BCAS3: variants seen among roughly 807,000 people sequenced by gnomAD.
The protein encoded by BCAS3 is BCAS3 microtubule associated cell migration factor.
BCAS3 carries 53 observed loss-of-function variants against 116.1 expected under a neutral mutation model. The observed-to-expected ratio is 0.46, with a 90% CI of 0.37 to 0.57. The LOEUF is 0.57. Among genes scored for constraint, BCAS3 ranks in the 20% least tolerant of loss-of-function variants. The pLI, the probability that BCAS3 is intolerant of heterozygous loss-of-function variation, is 0.00. For synonymous variants in BCAS3, 391 were observed against 408.2 expected (o/e 0.96, Z 0.51); for missense variants, 917 against 1,165.4 (o/e 0.79, Z 3.10).
intron 14 of BCAS3, among the ~76,000 whole-genome samples, chr17:60,973,159 T>C (rs1600120638): frequency 6.6e-6 from 1 of 152,042 alleles, no homozygotes; most frequent in African/African-American, 2.4e-5. Flanking sequence ...TCTATGTGAC[T>C]TTTTTTGCTC....
intron 19 of BCAS3, among the ~76,000 whole-genome samples, chr17:61,044,465 A>AAAAAAAAAATATATATAT: frequency 2.5e-5 from 3 of 120,120 alleles, no homozygotes; most frequent in Admixed American, 1.6e-4. Flanking sequence ...AAAAAAAAAA[A>AAAAAAAAAATATATATAT]ATATATATAT....
intron 22 of BCAS3, among the ~76,000 whole-genome samples, chr17:61,319,674 G>A (rs907430019): frequency 6.7e-6 from 1 of 148,224 alleles, no homozygotes; most frequent in African/African-American, 2.5e-5. Flanking sequence ...TTGATGGCTT[G>A]TCATTTTGAC....
In BCAS3 at chr17:61,391,997, ATCGAGACTCTGAG is replaced by A. The variant is rs1250178890; in HGVS notation, c.2616_2628del (p.Glu873ThrfsTer138). On this transcript the variant is annotated frameshift_variant, in exon 24 of 24. Transcript: ENST00000407086. LOFTEE classifies it high-confidence loss of function. The surrounding 1 kb of genome is among the most constrained non-coding windows in gnomAD (Gnocchi z 7.7). ...TGCAGAACTTCAGCGAGAGGGAAGC[ATCGAGACTCTGAG>A]TAACAGCTCAGGCTCCACCAGCGGC... 6.2e-7 allele frequency: 1 copy of A among 1,613,722 alleles called. No homozygotes were observed. The highest frequency in any genetic ancestry group is 1.3e-5 in the African/African-American group (1 of 74,916).
At chr17:61,075,955 C>T (rs181122470) in intron 20 of BCAS3, among the ~76,000 whole-genome samples, 2 of 152,026 alleles carry the variant, frequency 1.3e-5, no homozygotes, top group East Asian at 3.9e-4. Context: ...GACAGGATCT[C>T]CCTATGTTGC....
intron 12 of BCAS3, among the ~76,000 whole-genome samples, chr17:60,914,063 A>G (rs1271883150): frequency 6.6e-6 from 1 of 152,178 alleles, no homozygotes; most frequent in Admixed American, 6.5e-5. Context: ...GTTATTCATA[A>G]TAATTTAATA....
chr17:60,958,676 G>T (rs1269476788), intron 14 of BCAS3, among the ~76,000 whole-genome samples: 1 of 152,070 alleles, frequency 6.6e-6, no homozygotes, highest in African/African-American at 2.4e-5. Context: ...GTTTTCTTTT[G>T]GTTAAACATT....
At position 61,374,332 on chromosome 17, in the gene BCAS3, G is replaced by A. The variant is rs761946993; in HGVS notation, c.2593+5838G>A. The stretch of plus-strand genomic sequence containing the variant: ...ACTACAGGCATATGCCACCACACTC[G>A]GCTAATTTTTGTATTTTTAGTAGAG... On this transcript the variant is annotated intron_variant, in intron 23 of 23. Transcript: ENST00000407086. 6.7e-4 allele frequency among the ~76,000 whole-genome samples: 99 copies of A among 147,244 alleles called. 4 individuals are homozygous for A. Among genetic ancestry groups the A allele is most frequent in the East Asian group, 2.0e-4 (1 of 4,894 alleles).
At chr17:60,999,841 G>A (rs1482657861) in intron 15 of BCAS3, among the ~76,000 whole-genome samples, 1 of 152,080 alleles carries the variant, frequency 6.6e-6, no homozygotes, top group Non-Finnish European at 1.5e-5. Flanking sequence ...GCAGTGTTTT[G>A]TAGTTGTCCT....
At chr17:60,729,844 C>A (rs80247632) in intron 5 of BCAS3, among the ~76,000 whole-genome samples, 4,836 of 152,246 alleles carry the variant, frequency 0.032, 243 homozygotes, top group African/African-American at 0.11. Context: ...GTTTGTATGT[C>A]TGAGTGATTA....
At chr17:61,175,319 A>C (rs2079073877) in intron 22 of BCAS3, among the ~76,000 whole-genome samples, 1 of 151,628 alleles carries the variant, frequency 6.6e-6, no homozygotes, top group African/African-American at 2.4e-5. Context: ...AGGCAGGAGG[A>C]TCACTTGAGT....
intron 22 of BCAS3, among the ~76,000 whole-genome samples, chr17:61,167,676 A>G (rs777246812): frequency 6.6e-6 from 1 of 152,210 alleles, no homozygotes; most frequent in Admixed American, 6.5e-5. Context: ...ACTTAAGGAA[A>G]TGACACAGAA....
Position 61,186,741 on chromosome 17 carries a change from C to T in BCAS3, c.2425+102177C>T, listed in dbSNP as rs544908578. On this transcript the variant is annotated intron_variant, in intron 22 of 23. Coordinates refer to ENST00000407086, the MANE Select transcript of BCAS3 (RefSeq NM_017679.5). The surrounding 1 kb of genome is among the most constrained non-coding windows in gnomAD (Gnocchi z 4.9). The stretch of plus-strand genomic sequence containing the variant: ...GTTTTTTTTTTTTGAGACGGAGTCT[C>T]GCTCTGTCGCCCAGGTTGGAGTGCA... Among the ~76,000 whole-genome samples, 46 of 151,702 alleles carry T rather than the reference C, an allele frequency of 3.0e-4. No homozygotes were observed. In the East Asian group the frequency reaches 8.2e-3, roughly 27 times the overall value.
intron 13 of BCAS3, among the ~76,000 whole-genome samples, chr17:60,926,879 A>G (rs1411404678): frequency 5.9e-5 from 9 of 152,296 alleles, no homozygotes; most frequent in Non-Finnish European, 2.9e-5. Context: ...TTGTCCTCTC[A>G]CATTTGTGTT....
rs1292111261 is a variant in BCAS3, at chr17:61,233,335, G to T, written c.2426-134992G>T. Among the ~76,000 whole-genome samples the T allele has an allele frequency of 6.6e-6, 1 of 152,136 alleles. No homozygotes were observed. Among genetic ancestry groups the T allele is most frequent in the Admixed American group, 6.6e-5 (1 of 15,266 alleles). ...ACAGGTTTGTAGTAAAATCTGAGCT[G>T]CCCAGAACACTCTGTGGCTAATGGC... On this transcript the variant is annotated intron_variant, in intron 22 of 23. Coordinates refer to ENST00000407086, the MANE Select transcript of BCAS3 (RefSeq NM_017679.5). This position sits in a 1 kb window ranked among gnomAD's most constrained non-coding sequence, Gnocchi z 4.3.
intron 22 of BCAS3, among the ~76,000 whole-genome samples, chr17:61,135,460 G>C (rs1303608415): frequency 6.6e-6 from 1 of 152,118 alleles, no homozygotes; most frequent in African/African-American, 2.4e-5. Context: ...CAAAATTTAG[G>C]CCCATGTGCA....
chr17:60,784,684 A>G (rs556917596), intron 6 of BCAS3, among the ~76,000 whole-genome samples: 1 of 151,882 alleles, frequency 6.6e-6, no homozygotes, highest in South Asian at 2.1e-4. Flanking sequence ...CAATCCTCCC[A>G]CCTCATTCTT....
intron 6 of BCAS3, among the ~76,000 whole-genome samples, chr17:60,780,581 G>A (rs2045736533): frequency 6.6e-6 from 1 of 152,124 alleles, no homozygotes; most frequent in Non-Finnish European, 1.5e-5. Context: ...GGGATTACAG[G>A]CATGAGCCAC....
chr17:61,172,591 C>G (rs1253794874), intron 22 of BCAS3, among the ~76,000 whole-genome samples: 1 of 145,552 alleles, frequency 6.9e-6, no homozygotes, highest in Non-Finnish European at 1.5e-5. Flanking sequence ...GAGCTGAGAT[C>G]GCACCACTGC....
chr17:61,090,906 C>T (rs1273621334), intron 22 of BCAS3, among the ~76,000 whole-genome samples: 4 of 152,174 alleles, frequency 2.6e-5, no homozygotes, highest in South Asian at 2.1e-4. Context: ...CCACATGCCT[C>T]GGCCTCCCAA....
Sources: allele counts gnomAD v4.1 joint callset (sites outside exome capture counted in the v4.1 genomes callset), GRCh38; gene constraint gnomAD v4.1.1; non-coding constraint Gnocchi (gnomAD v3.1); transcripts MANE v1.5; gene names NCBI Gene and HGNC (gene_info 2026-07-23, HGNC 2026-07-21).